EYS: variants seen among roughly 807,000 people sequenced by gnomAD.
EYS encodes protein eyes shut homolog.
Under a neutral mutation model 282.1 loss-of-function variants are expected in EYS, and 250 were observed. The ratio of observed to expected loss-of-function variants is 0.89; its 90% CI spans 0.80 to 0.98. The LOEUF (loss-of-function observed/expected upper bound fraction) is 0.98. EYS is among the 50% of genes least tolerant of loss of function. The pLI is 0.00. For synonymous variants in EYS, 1,355 were observed against 1,282.9 expected, an observed-to-expected ratio of 1.06 and a Z score of -1.20; for missense variants, 4,016 against 3,709.0, an observed-to-expected ratio of 1.08 and a Z score of -2.15.
intron 11 of EYS, among the ~76,000 whole-genome samples, chr6:65,310,670 T>C (rs1769133109): frequency 6.6e-6 from 1 of 152,190 alleles, no homozygotes; most frequent in South Asian, 2.1e-4. Context: ...TAGTCCTTAC[T>C]GTTCTATGAG....
At chr6:64,257,129 C>A (rs573787473) in intron 30 of EYS, among the ~76,000 whole-genome samples, 90 of 152,122 alleles carry the variant, frequency 5.9e-4, no homozygotes, top group Admixed American at 5.8e-3. Context: ...TCTTTCATTT[C>A]TTTCTCTACT....
At chr6:63,885,455 T>C (rs139199545) in intron 35 of EYS, among the ~76,000 whole-genome samples, 84 of 152,316 alleles carry the variant, frequency 5.5e-4, no homozygotes, top group Admixed American at 1.4e-3. Context: ...TCAATGATAC[T>C]CTTTTTCTTT....
intron 28 of EYS, among the ~76,000 whole-genome samples, chr6:64,433,697 A>G (rs1774644672): frequency 6.6e-6 from 1 of 152,098 alleles, no homozygotes; most frequent in African/African-American, 2.4e-5. Flanking sequence ...AAGTATTCTT[A>G]AAAGTGACAT....
At chr6:65,687,657 C>T (rs188871248) in intron 1 of EYS, among the ~76,000 whole-genome samples, 16 of 152,122 alleles carry the variant, frequency 1.1e-4, no homozygotes, top group East Asian at 1.9e-4. Context: ...TGTTTGCAGA[C>T]GACATGATTA....
chr6:65,126,779 C>A (rs541569486), intron 12 of EYS, among the ~76,000 whole-genome samples: 1 of 152,290 alleles, frequency 6.6e-6, no homozygotes, highest in East Asian at 1.9e-4. Flanking sequence ...TGCAGCCCAG[C>A]ATGTCAACTG....
intron 22 of EYS, among the ~76,000 whole-genome samples, chr6:64,723,153 A>C (rs1271977676): frequency 6.6e-6 from 1 of 151,954 alleles, no homozygotes; most frequent in Non-Finnish European, 1.5e-5. Context: ...ACATCGAGGC[A>C]GACATTCCAT....
chr6:65,135,883 A>G (rs1321757802), intron 12 of EYS, among the ~76,000 whole-genome samples: 1 of 152,062 alleles, frequency 6.6e-6, no homozygotes, highest in Non-Finnish European at 1.5e-5. Flanking sequence ...AATTGGATTT[A>G]ACTATTTGGA....
intron 33 of EYS, among the ~76,000 whole-genome samples, chr6:64,064,317 A>T (rs1771288034): frequency 6.6e-6 from 1 of 152,202 alleles, no homozygotes; most frequent in Non-Finnish European, 1.5e-5. Context: ...AAATGAATAT[A>T]TGAAACTAAA....
intron 29 of EYS, among the ~76,000 whole-genome samples, chr6:64,367,950 C>T (rs765855116): frequency 6.6e-6 from 1 of 152,090 alleles, no homozygotes; most frequent in Non-Finnish European, 1.5e-5. Context: ...TTTTGTTTAA[C>T]TTTTATTTTA....
intron 5 of EYS, among the ~76,000 whole-genome samples, chr6:65,439,839 C>T (rs754762221): frequency 2.1e-4 from 32 of 151,978 alleles, no homozygotes; most frequent in Non-Finnish European, 4.1e-4. Flanking sequence ...CATTCATAGA[C>T]ATAAAACTAT....
At chr6:64,865,718 G>A (rs1045587853) in intron 19 of EYS, among the ~76,000 whole-genome samples, 2 of 151,936 alleles carry the variant, frequency 1.3e-5, no homozygotes, top group Non-Finnish European at 2.9e-5. Flanking sequence ...GAAAAGGGAA[G>A]GTAAGAATGT....
chr6:63,742,089 C>T, intron 41 of EYS: 1 of 655,874 alleles, frequency 1.5e-6, no homozygotes, highest in Non-Finnish European at 2.8e-6. Context: ...ACCTCTTTAA[C>T]TCTTCACTTG....
chr6:64,563,174 A>G (rs1012030933), intron 26 of EYS, among the ~76,000 whole-genome samples: 13 of 152,042 alleles, frequency 8.6e-5, no homozygotes, highest in Non-Finnish European at 1.3e-4. Context: ...AGGAAAGGTC[A>G]ATGACCACCT....
intron 26 of EYS, among the ~76,000 whole-genome samples, chr6:64,580,960 A>G (rs1766040721): frequency 6.6e-6 from 1 of 152,146 alleles, no homozygotes; most frequent in Non-Finnish European, 1.5e-5. Context: ...AAAAGGAAAT[A>G]TGGGTAGGGA....
intron 39 of EYS, among the ~76,000 whole-genome samples, chr6:63,784,835 C>T (rs971272727): frequency 2.6e-5 from 4 of 152,066 alleles, no homozygotes; most frequent in Admixed American, 1.3e-4. Context: ...GTGTCTGTTG[C>T]GTTCTAGAGC....
chr6:65,492,585 G>T (rs893418935), intron 4 of EYS, among the ~76,000 whole-genome samples: 1 of 152,134 alleles, frequency 6.6e-6, no homozygotes, highest in African/African-American at 2.4e-5. Flanking sequence ...ATGCTTTAAA[G>T]ACTGTCTATT....
chr6:65,649,099 C>T lies in EYS; in HGVS notation c.-447-9207G>A, dbSNP rs1327792655. ...AGGCCAGTGAGCTGAGATCGCGCCA[C>T]TGCACTCCAGCCTGTGCGACAGAGC... On this transcript the variant is annotated intron_variant, in intron 1 of 42. Coordinates refer to ENST00000503581, the MANE Select transcript of EYS (RefSeq NM_001142800.2). Among the ~76,000 whole-genome samples the T allele has an allele frequency of 1.2e-4, 16 of 133,532 alleles. No homozygotes were observed. The East Asian group carries it at 3.4e-3, about 28-fold the overall frequency. The allele number at this position is 133,532 out of a possible 152,430, so 87.6% of individuals were successfully genotyped here.
chr6:63,789,540 T>C (rs1770454992), intron 37 of EYS, among the ~76,000 whole-genome samples: 1 of 152,148 alleles, frequency 6.6e-6, no homozygotes, highest in African/African-American at 2.4e-5. Context: ...CACTTTACAA[T>C]AAGGAGAACT....
chr6:65,524,398 A>G (rs1054459030), intron 2 of EYS, among the ~76,000 whole-genome samples: 4 of 152,178 alleles, frequency 2.6e-5, no homozygotes, highest in African/African-American at 9.7e-5. Flanking sequence ...ACAGGAAGTA[A>G]GCATTTTGCT....
Sources: allele counts gnomAD v4.1 joint callset (sites outside exome capture counted in the v4.1 genomes callset), GRCh38; gene constraint gnomAD v4.1.1; transcripts MANE v1.5; gene names NCBI Gene and HGNC (gene_info 2026-07-23, HGNC 2026-07-21).